Variants in NLRP14 observed in about 807,000 individuals in gnomAD.
NLRP14 encodes NACHT, LRR and PYD domains-containing protein 14.
Under a neutral mutation model 94.7 loss-of-function variants are expected in NLRP14, and 105 were observed. The ratio of observed to expected loss-of-function variants is 1.11; its 90% CI spans 0.95 to 1.30. NLRP14 has a LOEUF of 1.30. NLRP14 is among the 50% of genes most tolerant of loss of function. The pLI is 0.00. For synonymous variants in NLRP14, 508 were observed against 459.9 expected (o/e 1.10, Z -1.34); for missense variants, 1,362 against 1,254.1 (o/e 1.09, Z -1.30).
In NLRP14 at chr11:7,062,260, G is replaced by C. The variant is rs965834575; in HGVS notation, c.2805-73G>C. ...TGAGAAAAGAGGTTCAAATACCTGG[G>C]TATATCTCCTAGGAAGAAACTTATT... is the stretch of plus-strand genomic sequence containing the variant. On this transcript the variant is annotated intron_variant, in intron 9 of 11. Transcript: ENST00000299481. 6.0e-5 allele frequency: 75 copies of C among 1,249,484 alleles called. No homozygotes were observed. The African/African-American group carries it at 1.0e-3, about 17-fold the overall frequency. The allele number at this position is 1,249,484 out of a possible 1,614,324, so 77.4% of individuals were successfully genotyped here. A position where few individuals can be genotyped will look rare whatever the true frequency, so the allele number is the denominator to read the frequency against.
downstream of NLRP14, among the ~76,000 whole-genome samples, chr11:7,076,191 GT>G (rs1266224923): frequency 6.6e-6 from 1 of 152,000 alleles, no homozygotes; most frequent in Non-Finnish European, 1.5e-5. Flanking sequence ...TGGTTACTAA[GT>G]TTTTTTGTAT....
At chr11:7,041,038 G>C (rs1315274237) in intron 3 of NLRP14, among the ~76,000 whole-genome samples, 3 of 152,066 alleles carry the variant, frequency 2.0e-5, no homozygotes, top group Non-Finnish European at 2.9e-5. Flanking sequence ...AATACTGTAA[G>C]TACAAAATAG....
intron 7 of NLRP14, 80 bp from the exon 8 acceptor site, chr11:7,058,200 C>T: frequency 1.7e-6 from 2 of 1,182,914 alleles, no homozygotes; most frequent in South Asian, 1.2e-5. Flanking sequence ...GTTATAAGTG[C>T]CACTGATTTC....
chr11:7,032,023 C>T, intron 1 of NLRP14, among the ~76,000 whole-genome samples: 1 of 152,182 alleles, frequency 6.6e-6, no homozygotes, highest in East Asian at 1.9e-4. Flanking sequence ...CAATTATTGC[C>T]AACACGCCAA....
chr11:7,062,234 G>C, intron 9 of NLRP14, 99 bp from the exon 10 acceptor site: 12 of 980,240 alleles, frequency 1.2e-5, no homozygotes, highest in Non-Finnish European at 1.8e-5. Context: ...ATAGAAAAGA[G>C]TGAGAAAAGA....
intron 4 of NLRP14, among the ~76,000 whole-genome samples, chr11:7,044,859 A>G (rs1185681814): frequency 1.3e-5 from 2 of 152,214 alleles, no homozygotes; most frequent in Non-Finnish European, 2.9e-5. Context: ...TAGAAAATTT[A>G]TTGATTCAAG....
intron 6 of NLRP14, among the ~76,000 whole-genome samples, chr11:7,053,005 T>C (rs1345648303): frequency 3.3e-5 from 5 of 152,192 alleles, no homozygotes; most frequent in African/African-American, 1.2e-4. Flanking sequence ...ATACACAGCT[T>C]CATAATCATA....
intron 4 of NLRP14, among the ~76,000 whole-genome samples, chr11:7,045,574 C>T (rs1399239709): frequency 6.6e-6 from 1 of 152,008 alleles, no homozygotes; most frequent in African/African-American, 2.4e-5. Context: ...CACTTGAATG[C>T]TTGAAAGAAT....
intron 6 of NLRP14, among the ~76,000 whole-genome samples, chr11:7,054,201 C>A (rs1852485649): frequency 1.3e-5 from 2 of 152,142 alleles, no homozygotes; most frequent in Admixed American, 1.3e-4. Context: ...TTTATCCATT[C>A]ACCTTTTGAT....
intron 6 of NLRP14, among the ~76,000 whole-genome samples, chr11:7,055,962 G>A (rs769336237): frequency 6.6e-6 from 1 of 151,998 alleles, no homozygotes; most frequent in Non-Finnish European, 1.5e-5. Context: ...AAGCTAATCT[G>A]TCTCCTGTTT....
chr11:7,090,198 C>A, the NLRP14 span: 1 of 1,612,962 alleles, frequency 6.2e-7, no homozygotes, highest in South Asian at 1.1e-5. Flanking sequence ...GGGCTGCCCT[C>A]CCCAGCGTGA....
intron 10 of NLRP14, among the ~76,000 whole-genome samples, chr11:7,064,766 AC>A: frequency 6.6e-6 from 1 of 152,102 alleles, no homozygotes. Context: ...CCTCTAATCT[AC>A]CTTTTAAAAA....
Position 7,043,181 on chromosome 11 carries a change from G to T in NLRP14, c.1155G>T (p.Lys385Asn), listed in dbSNP as rs1852291529. 6.2e-7 allele frequency: 1 copy of T among 1,614,004 alleles called. No homozygotes were observed. Among genetic ancestry groups the T allele is most frequent in the African/African-American group, 1.3e-5 (1 of 74,910 alleles). ...ACTCLKQQME[K>N]GGDVTLTCQT... ...CTTGTCTGAAGCAGCAAATGGAGAA[G>T]GGTGGTGATGTCACATTGACCTGCC... Residue 385 changes from lysine to asparagine, a missense_variant, in exon 4 of 12, where the codon AAG (lysine) becomes AAT (asparagine). Coordinates refer to ENST00000299481, the MANE Select transcript of NLRP14 (RefSeq NM_176822.4).
At chr11:7,089,588 G>T in the NLRP14 span, 1 of 1,184,394 alleles carries the variant, frequency 8.4e-7, no homozygotes, top group Non-Finnish European at 1.0e-6. Context: ...CGCCGCGCAG[G>T]GTCGGCCCAC....
rs1257364905 is a variant in NLRP14 at position 7,039,112 on chromosome 11, C to A, written c.289+237C>A. Among the ~76,000 whole-genome samples, 3 of 152,130 alleles carry A rather than the reference C, an allele frequency of 2.0e-5. No homozygotes were observed. The East Asian group carries it at 5.8e-4, about 29-fold the overall frequency. ...CTGGCGGCAATTCATCCATCTTGTA[C>A]CAGTTGAAATGATCAAAGGAATTGA... On this transcript the variant is annotated intron_variant, in intron 2 of 11. Transcript: ENST00000299481.
chr11:7,079,588 A>C, the NLRP14 span, among the ~76,000 whole-genome samples: 1 of 152,234 alleles, frequency 6.6e-6, no homozygotes, highest in African/African-American at 2.4e-5. Context: ...AGAATTTTTG[A>C]AGACCATATA....
intron 1 of NLRP14, among the ~76,000 whole-genome samples, chr11:7,022,125 G>T (rs1167631484): frequency 6.6e-6 from 1 of 152,098 alleles, no homozygotes; most frequent in East Asian, 1.9e-4. Context: ...GTTTAGCAGG[G>T]GTGCCCGGCC....
the NLRP14 span, among the ~76,000 whole-genome samples, chr11:7,087,119 C>T: frequency 6.6e-6 from 1 of 152,182 alleles, no homozygotes; most frequent in Non-Finnish European, 1.5e-5. Flanking sequence ...TGGAGTCACA[C>T]TCAGGAGCCA....
intron 10 of NLRP14, among the ~76,000 whole-genome samples, chr11:7,063,931 A>G (rs773512175): frequency 1.3e-5 from 2 of 152,098 alleles, no homozygotes; most frequent in Non-Finnish European, 2.9e-5. Context: ...CAATAAATAA[A>G]CAAAGATGGG....
Sources: allele counts gnomAD v4.1 joint callset (sites outside exome capture counted in the v4.1 genomes callset), GRCh38; gene constraint gnomAD v4.1.1; transcripts MANE v1.5; gene names NCBI Gene and HGNC (gene_info 2026-07-23, HGNC 2026-07-21).